NEGR1: variants seen among roughly 807,000 people sequenced by gnomAD.
NEGR1 encodes the protein IgLON family member 4.
NEGR1 carries 10 observed loss-of-function variants against 40.9 expected under a neutral mutation model. The ratio of observed to expected loss-of-function variants is 0.24; its 90% CI spans 0.15 to 0.42. The LOEUF (loss-of-function observed/expected upper bound fraction) is 0.42. Among genes scored for constraint, NEGR1 ranks in the 10% least tolerant of loss-of-function variants. The pLI is 1.00. For synonymous variants in NEGR1, 185 were observed against 166.8 expected (o/e 1.11, Z -0.84); for missense variants, 352 against 438.9 (o/e 0.80, Z 1.77).
chr1:72,121,882 C>T (rs923171598), intron 1 of NEGR1, among the ~76,000 whole-genome samples: 12 of 151,884 alleles, frequency 7.9e-5, no homozygotes, highest in Admixed American at 3.3e-4. Flanking sequence ...TATATGACAA[C>T]ATATCAATTA....
At chr1:72,232,392 A>G (rs1654396266) in intron 1 of NEGR1, among the ~76,000 whole-genome samples, 1 of 151,348 alleles carries the variant, frequency 6.6e-6, no homozygotes. Flanking sequence ...CTGGTAAGTT[A>G]ATTTACAATC....
rs536117839 is a variant in NEGR1, at chr1:72,152,616, C to A, written c.176+129703G>T. On this transcript the variant is annotated intron_variant, in intron 1 of 6. Coordinates refer to ENST00000357731, the MANE Select transcript of NEGR1 (RefSeq NM_173808.3). Reference sequence around the variant, plus strand: ...CAGAGCTACCATTTGACCCAGCAATCCTACTCGGAATTATATACCCAAAGG... The same window carrying A: ...CAGAGCTACCATTTGACCCAGCAATACTACTCGGAATTATATACCCAAAGG... Among the ~76,000 whole-genome samples, 27 of 152,016 alleles carry A rather than the reference C, an allele frequency of 1.8e-4. 1 individual carries two copies. Among genetic ancestry groups the A allele is most frequent in the Middle Eastern group, 3.4e-3 (1 of 294 alleles).
At chr1:71,630,971 T>C (rs1650951679) in intron 4 of NEGR1, among the ~76,000 whole-genome samples, 1 of 151,922 alleles carries the variant, frequency 6.6e-6, no homozygotes. Context: ...AGATTTGGTA[T>C]GGACAGTAAA....
At chr1:71,496,001 G>C (rs1185329642) in intron 6 of NEGR1, among the ~76,000 whole-genome samples, 1 of 151,968 alleles carries the variant, frequency 6.6e-6, no homozygotes, top group Non-Finnish European at 1.5e-5. Context: ...TCATACTTTG[G>C]GAATAGGTCT....
At chr1:71,728,630 G>A (rs760007514) in intron 3 of NEGR1, among the ~76,000 whole-genome samples, 7 of 152,038 alleles carry the variant, frequency 4.6e-5, no homozygotes, top group African/African-American at 1.7e-4. Flanking sequence ...GAACTTTACT[G>A]GCTGTGTGAT....
At chr1:72,114,029 A>T (rs1649487112) in intron 1 of NEGR1, among the ~76,000 whole-genome samples, 1 of 151,748 alleles carries the variant, frequency 6.6e-6, no homozygotes, top group South Asian at 2.1e-4. Flanking sequence ...TAGCTTACAA[A>T]TTTGAAATAC....
intron 1 of NEGR1, among the ~76,000 whole-genome samples, chr1:72,184,310 C>T (rs950004355): frequency 1.3e-5 from 2 of 152,014 alleles, no homozygotes; most frequent in African/African-American, 4.8e-5. Flanking sequence ...GTTCAGACTG[C>T]AGAACGCAGA....
intron 1 of NEGR1, among the ~76,000 whole-genome samples, chr1:72,123,648 A>G (rs1649893574): frequency 6.6e-6 from 1 of 151,946 alleles, no homozygotes; most frequent in East Asian, 1.9e-4. Context: ...AGGACATGTC[A>G]TAGGTAAAGA....
chr1:71,933,416 T>A (rs566956392), intron 2 of NEGR1, among the ~76,000 whole-genome samples: 1 of 152,138 alleles, frequency 6.6e-6, no homozygotes, highest in African/African-American at 2.4e-5. Flanking sequence ...ACCTACAAGT[T>A]TAAAATGTAC....
intron 1 of NEGR1, among the ~76,000 whole-genome samples, chr1:72,130,339 T>A (rs1650197366): frequency 6.6e-6 from 1 of 152,160 alleles, no homozygotes; most frequent in Non-Finnish European, 1.5e-5. Context: ...TAAACAAGTA[T>A]AAATGAGCCC....
At chr1:71,846,753 C>T (rs1428709192) in intron 2 of NEGR1, among the ~76,000 whole-genome samples, 1 of 152,114 alleles carries the variant, frequency 6.6e-6, no homozygotes, top group Non-Finnish European at 1.5e-5. Context: ...GGGCCTGTTC[C>T]TTATAGGCAG....
intron 6 of NEGR1, among the ~76,000 whole-genome samples, chr1:71,426,289 G>A (rs184910052): frequency 3.3e-5 from 5 of 152,272 alleles, no homozygotes; most frequent in East Asian, 1.9e-4. Flanking sequence ...GATGAAATGA[G>A]CAAAACATAG....
chr1:71,468,774 C>A (rs1646763599), intron 6 of NEGR1: 1 of 151,940 alleles, frequency 6.6e-6, no homozygotes, highest in South Asian at 2.1e-4. Context: ...AACTACCCAG[C>A]CTTTTCATGA....
chr1:71,609,502 A>C lies in NEGR1; in HGVS notation c.788+1524T>G, dbSNP rs1480300166. On this transcript the variant is annotated intron_variant, in intron 5 of 6. Coordinates refer to ENST00000357731, the MANE Select transcript of NEGR1 (RefSeq NM_173808.3). The stretch of plus-strand genomic sequence containing the variant: ...TGCACTCCAGCCTGGGCGACAAACC[A>C]AGACTCCGTCTCAAAAAAAAAAAAA... Among the ~76,000 whole-genome samples the C allele has an allele frequency of 2.3e-5, 3 of 129,694 alleles. No homozygotes were observed. In the Admixed American group the frequency reaches 2.5e-4, roughly 11 times the overall value. 85.1% of individuals were successfully genotyped at this position (129,694 alleles called of 152,430 possible). A position where few individuals can be genotyped will look rare whatever the true frequency, so the allele number is the denominator to read the frequency against.
At chr1:71,621,662 T>G (rs553942184) in intron 4 of NEGR1, among the ~76,000 whole-genome samples, 1 of 151,920 alleles carries the variant, frequency 6.6e-6, no homozygotes, top group East Asian at 1.9e-4. Flanking sequence ...ATATGAATTC[T>G]GATTTTAGGA....
intron 2 of NEGR1, among the ~76,000 whole-genome samples, chr1:71,830,402 C>A (rs969445699): frequency 8.6e-5 from 13 of 151,788 alleles, no homozygotes; most frequent in Middle Eastern, 3.4e-3. Context: ...TACAAAAAAA[C>A]CAGTCATAGG....
rs923234843 is a variant in NEGR1, at chr1:71,401,043, A to G, written c.*6403T>C. Reference sequence around the variant, plus strand: ...GCAAAACTCTGAAAAAGAAAAAAAAATTATGTCTCTTCATTGCAGAGAAGA... The same window carrying G: ...GCAAAACTCTGAAAAAGAAAAAAAAGTTATGTCTCTTCATTGCAGAGAAGA... On this transcript the variant is annotated 3_prime_UTR_variant, in exon 7 of 7. Transcript: ENST00000357731. 2 of 152,204 alleles carry G rather than the reference A, an allele frequency of 1.3e-5. No individual in the cohort carries two copies. The highest frequency in any genetic ancestry group is 2.9e-5 in the Non-Finnish European group (2 of 68,034). 9.4% of individuals were successfully genotyped at this position (152,204 alleles called of 1,614,324 possible). A position where few individuals can be genotyped will look rare whatever the true frequency, so the allele number is the denominator to read the frequency against.
intron 3 of NEGR1, among the ~76,000 whole-genome samples, chr1:71,775,414 C>T (rs889704761): frequency 6.0e-5 from 9 of 150,200 alleles, no homozygotes; most frequent in Admixed American, 2.6e-4. Context: ...GGTGCGATCT[C>T]GGCTCACTGC....
intron 2 of NEGR1, among the ~76,000 whole-genome samples, chr1:71,928,789 G>A (rs1645826530): frequency 6.6e-6 from 1 of 151,938 alleles, no homozygotes; most frequent in Admixed American, 6.6e-5. Flanking sequence ...AAAATTTGTA[G>A]GGACTAATAC....
Sources: gnomAD v4.1 joint callset for allele counts (sites outside exome capture counted in the v4.1 genomes callset) on GRCh38, gnomAD v4.1.1 for gene constraint, MANE v1.5 for transcripts, NCBI Gene and HGNC (gene_info 2026-07-23, HGNC 2026-07-21) for gene names.